Variants in CD34 observed in about 807,000 individuals in gnomAD.
The protein encoded by CD34 is hematopoietic progenitor cell antigen CD34.
Under a neutral mutation model 40.1 loss-of-function variants are expected in CD34, and 34 were observed. The ratio of observed to expected loss-of-function variants is 0.85; its 90% confidence interval spans 0.65 to 1.13. CD34 has a LOEUF of 1.13. Ranked by LOEUF, CD34 falls within the 50% of genes most tolerant of loss-of-function variation. CD34 has a pLI of 0.00. For synonymous variants in CD34, 209 were observed against 190.0 expected, an observed-to-expected ratio of 1.10 and a Z score of -0.82; for missense variants, 426 against 466.9, an observed-to-expected ratio of 0.91 and a Z score of 0.81.
rs528121793 is a variant in CD34, at chr1:207,884,328, A to C, written c.*3410T>G. The C allele has an allele frequency of 6.6e-6, 1 of 152,380 alleles. No individual in the cohort carries two copies. Among genetic ancestry groups the C allele is most frequent in the South Asian group, 2.1e-4 (1 of 4,828 alleles). 9.4% of individuals were successfully genotyped at this position (152,380 alleles called of 1,614,324 possible). On this transcript the variant is annotated 3_prime_UTR_variant, in exon 8 of 8. Coordinates refer to ENST00000310833, the MANE Select transcript of CD34 (RefSeq NM_001025109.2). ...AGCTCTCAATCCTGAAAACACATGT[A>C]TATACTTACTGAGATGACATTGTTT...
intron 7 of CD34, 35 bp from the exon 8 acceptor site, chr1:207,887,958 T>TA (rs780713245): frequency 6.5e-7 from 1 of 1,539,144 alleles, no homozygotes; most frequent in African/African-American, 1.5e-5. Context: ...CATTATCTGG[T>TA]AAGCAGGGCT....
chr1:207,889,807 A>G (rs749238292), intron 4 of CD34, 186 bp from the exon 5 acceptor site: 22 of 1,578,986 alleles, frequency 1.4e-5, no homozygotes, highest in Non-Finnish European at 1.9e-5. Context: ...TAAGAAAAAA[A>G]CCTAAATAAT....
In CD34 at chr1:207,883,173, C is replaced by T. The variant is rs1661837748; in HGVS notation, c.*4565G>A. 6.6e-6 allele frequency: 1 copy of T among 152,216 alleles called. No individual in the cohort carries two copies. The highest frequency in any genetic ancestry group is 1.5e-5 in the Non-Finnish European group (1 of 68,052). The allele number at this position is 152,216 out of a possible 1,614,324, so 9.4% of individuals were successfully genotyped here. A position where few individuals can be genotyped will look rare whatever the true frequency, so the allele number is the denominator to read the frequency against. On this transcript the variant is annotated 3_prime_UTR_variant, in exon 8 of 8. Transcript: ENST00000310833. ...CGGATCTTTCTGGTACTCGGCTTCCCTTAACACATTCTACTTCTCTGTCAT... is the reference window on the plus strand; with the variant it reads ...CGGATCTTTCTGGTACTCGGCTTCCTTTAACACATTCTACTTCTCTGTCAT...
chr1:207,909,676 G>A (rs1662459359), intron 1 of CD34, among the ~76,000 whole-genome samples: 1 of 152,160 alleles, frequency 6.6e-6, no homozygotes, highest in East Asian at 1.9e-4. Flanking sequence ...CAAAGTGCTG[G>A]GATTGCAAGC....
chr1:207,883,763 T>C lies in CD34; in HGVS notation c.*3975A>G, dbSNP rs1287454969. 2 of 152,178 alleles carry C rather than the reference T, an allele frequency of 1.3e-5. No individual in the cohort carries two copies. The highest frequency in any genetic ancestry group is 2.9e-5 in the Non-Finnish European group (2 of 68,022). The allele number at this position is 152,178 out of a possible 1,614,324, so 9.4% of individuals were successfully genotyped here. A position where few individuals can be genotyped will look rare whatever the true frequency, so the allele number is the denominator to read the frequency against. On this transcript the variant is annotated 3_prime_UTR_variant, in exon 8 of 8. Coordinates refer to ENST00000310833, the MANE Select transcript of CD34 (RefSeq NM_001025109.2). ...TAAATATGATTATTATTTGAAGAAA[T>C]AAATAGACTGAGCAAGTCCTGTTAC...
Position 207,893,064 on chromosome 1 carries a change from C to G in CD34, c.598-3443G>C, listed in dbSNP as rs542031694. The stretch of plus-strand genomic sequence containing the variant: ...TCTCCGGACACTTGGAATAAACATC[C>G]TCCCCCAAGAGAGGCTGTGGGCAAA... On this transcript the variant is annotated intron_variant, in intron 4 of 7. Coordinates refer to ENST00000310833, the MANE Select transcript of CD34 (RefSeq NM_001025109.2). Among the ~76,000 whole-genome samples the G allele has an allele frequency of 3.7e-4, 57 of 152,278 alleles. 1 individual carries two copies. In the South Asian group the frequency reaches 0.01, roughly 27 times the overall value.
rs903986098 is a variant in CD34, at chr1:207,905,372, G to A, written c.80-5369C>T. ...GCTGGTCTCAAACTCCTGACCTCAG[G>A]TGATCTGCCTGCCTCGGCCTCCCGA... is the stretch of plus-strand genomic sequence containing the variant. On this transcript the variant is annotated intron_variant, in intron 1 of 7. Coordinates refer to ENST00000310833, the MANE Select transcript of CD34 (RefSeq NM_001025109.2). Among the ~76,000 whole-genome samples the A allele has an allele frequency of 3.9e-5, 6 of 152,368 alleles. No individual in the cohort carries two copies. In the South Asian group the frequency reaches 1.2e-3, roughly 32 times the overall value.
chr1:207,902,324 C>G (rs1279949816), intron 1 of CD34, among the ~76,000 whole-genome samples: 1 of 152,186 alleles, frequency 6.6e-6, no homozygotes, highest in Non-Finnish European at 1.5e-5. Flanking sequence ...TAGGCTGGGT[C>G]TAAACTGCCA....
Position 207,887,275 on chromosome 1 carries a change from GCAAAAGGT to G in CD34, c.*455_*462del. ...GCTATATCATTACAAGAGAGCAGGT[GCAAAAGGT>G]TACTTTGGTTTCCTCAAAGTAGAGA... On this transcript the variant is annotated 3_prime_UTR_variant, in exon 8 of 8. Transcript: ENST00000310833. The G allele has an allele frequency of 6.1e-6, 1 of 164,122 alleles. No individual in the cohort carries two copies. The highest frequency in any genetic ancestry group is 1.7e-4 in the South Asian group (1 of 5,838). The allele number at this position is 164,122 out of a possible 1,614,324, so 10.2% of individuals were successfully genotyped here.
chr1:207,888,007 G>C, intron 7 of CD34, 84 bp from the exon 8 acceptor site: 1 of 1,557,088 alleles, frequency 6.4e-7, no homozygotes, highest in Non-Finnish European at 8.7e-7. Context: ...AACAGGAAGT[G>C]GGGGCAGGGG....
At chr1:207,889,920 T>G in intron 4 of CD34, 3 of 1,495,072 alleles carry the variant, frequency 2.0e-6, no homozygotes, top group Non-Finnish European at 2.7e-6. Context: ...ATATGCAAAT[T>G]AAACTCAAAA....
In CD34 at chr1:207,881,254, C is replaced by T. The variant is rs1222052988; in HGVS notation, c.*6484G>A. On this transcript the variant is annotated 3_prime_UTR_variant, in exon 8 of 8. Transcript: ENST00000310833. ...GGTCAAAACAATTTGAATAATAATA[C>T]TACAAATCTATTTTCCTTTTTCACA... is the stretch of plus-strand genomic sequence containing the variant. The T allele has an allele frequency of 2.0e-5, 3 of 152,212 alleles. No homozygotes were observed. The highest frequency in any genetic ancestry group is 4.4e-5 in the Non-Finnish European group (3 of 68,044). The allele number at this position is 152,212 out of a possible 1,614,324, so 9.4% of individuals were successfully genotyped here.
At chr1:207,910,243 A>G (rs1246063912) in intron 1 of CD34, among the ~76,000 whole-genome samples, 1 of 152,150 alleles carries the variant, frequency 6.6e-6, no homozygotes, top group Non-Finnish European at 1.5e-5. Flanking sequence ...GCAGAGGAAG[A>G]AAACTCCAAA....
At chr1:207,896,862 G>C (rs1374425087) in intron 4 of CD34, among the ~76,000 whole-genome samples, 1 of 151,750 alleles carries the variant, frequency 6.6e-6, no homozygotes, top group Non-Finnish European at 1.5e-5. Context: ...ATTTAAAATA[G>C]GCAAAAGTAC....
At chr1:207,890,290 T>C in intron 4 of CD34, 5 of 965,940 alleles carry the variant, frequency 5.2e-6, no homozygotes, top group Non-Finnish European at 6.2e-6. Context: ...CTGATAATTC[T>C]TCAATAGTGA....
intron 3 of CD34, 65 bp from the exon 4 acceptor site, chr1:207,897,638 C>G: frequency 3.1e-6 from 4 of 1,288,652 alleles, no homozygotes; most frequent in Non-Finnish European, 3.3e-6. Flanking sequence ...CTCCTCATTT[C>G]TTTCCCAACT....
At chr1:207,903,569 T>C (rs1247682556) in intron 1 of CD34, among the ~76,000 whole-genome samples, 1 of 152,234 alleles carries the variant, frequency 6.6e-6, no homozygotes, top group Non-Finnish European at 1.5e-5. Context: ...TCTCAACTTA[T>C]GAACTGGGAG....
chr1:207,904,849 G>A (rs564895893), intron 1 of CD34, among the ~76,000 whole-genome samples: 3 of 152,204 alleles, frequency 2.0e-5, no homozygotes, highest in Non-Finnish European at 4.4e-5. Flanking sequence ...TGGAGTTTAG[G>A]AAAAGCAATA....
Position 207,900,044 on chromosome 1 carries a change from T to A in CD34, c.80-41A>T, listed in dbSNP as rs369758126. ...GAGGAAGAATCAGAACCTAAAGATATCAGCCTGGTGATATCACCTGATGCA... is the reference window on the plus strand; with the variant it reads ...GAGGAAGAATCAGAACCTAAAGATAACAGCCTGGTGATATCACCTGATGCA... On this transcript the variant is annotated intron_variant, in intron 1 of 7. Coordinates refer to ENST00000310833, the MANE Select transcript of CD34 (RefSeq NM_001025109.2). The A allele has an allele frequency of 4.0e-6, 6 of 1,499,710 alleles. No individual in the cohort carries two copies. In the African/African-American group the frequency reaches 8.3e-5, roughly 21 times the overall value. The allele number at this position is 1,499,710 out of a possible 1,614,324, so 92.9% of individuals were successfully genotyped here.
Sources: gnomAD v4.1 joint callset for allele counts (sites outside exome capture counted in the v4.1 genomes callset) on GRCh38, gnomAD v4.1.1 for gene constraint, MANE v1.5 for transcripts, NCBI Gene and HGNC (gene_info 2026-07-23, HGNC 2026-07-21) for gene names.